The following FBXO21 variants were observed in gnomAD, a reference collection of about 807,000 sequenced individuals.
FBXO21 encodes F-box protein 21, also known as F-box only protein 21.
In FBXO21, 32 loss-of-function variants were observed where a neutral mutation model predicts 76.6. The ratio of observed to expected loss-of-function variants is 0.42; its 90% CI spans 0.32 to 0.56. FBXO21 has a LOEUF of 0.56. FBXO21 is among the 20% of genes least tolerant of loss of function. FBXO21 has a pLI of 0.16. For missense variants in FBXO21, 586 were observed against 797.3 expected, an observed-to-expected ratio of 0.73 and a Z score of 3.19; for synonymous variants, 328 against 311.5, an observed-to-expected ratio of 1.05 and a Z score of -0.56.
Position 117,155,775 on chromosome 12 carries a change from G to A in FBXO21, c.1675+16C>T, listed in dbSNP as rs377322357. 6.0e-5 allele frequency: 97 copies of A among 1,607,328 alleles called. No individual in the cohort carries two copies. The highest frequency in any genetic ancestry group is 7.7e-5 in the Non-Finnish European group (91 of 1,176,562). On this transcript the variant is annotated intron_variant, in intron 11 of 11. Transcript: ENST00000622495. ...CGCCCGCGGGGCCACTGGCACAAGC[G>A]GAACCCGCCGCTTACCTTGGGCTGC...
At chr12:117,167,433 C>A (rs150009196) in intron 7 of FBXO21, among the ~76,000 whole-genome samples, 1 of 152,228 alleles carries the variant, frequency 6.6e-6, no homozygotes, top group East Asian at 1.9e-4. Context: ...GATCCTGGGC[C>A]CTGGATGATC....
chr12:117,162,824 T>C (rs1955998232), intron 9 of FBXO21, among the ~76,000 whole-genome samples: 1 of 152,192 alleles, frequency 6.6e-6, no homozygotes, highest in Non-Finnish European at 1.5e-5. Context: ...TAGGCTGACA[T>C]CTGCAGGCGC....
chr12:117,170,027 A>C (rs2135868727), intron 7 of FBXO21, among the ~76,000 whole-genome samples: 1 of 152,168 alleles, frequency 6.6e-6, no homozygotes, highest in Non-Finnish European at 1.5e-5. Flanking sequence ...AATTATTAGC[A>C]CTAACGATTT....
In FBXO21 at chr12:117,143,108, C is replaced by A. The variant is rs1244366155; in HGVS notation, c.*2979G>T. The A allele has an allele frequency of 6.6e-6, 1 of 152,192 alleles. No individual in the cohort carries two copies. The highest frequency in any genetic ancestry group is 2.4e-5 in the African/African-American group (1 of 41,438). The allele number at this position is 152,192 out of a possible 1,614,324, so 9.4% of individuals were successfully genotyped here. The stretch of plus-strand genomic sequence containing the variant: ...TTTGCAAACATGACGCCTGGCAAAA[C>A]CGGTCTGATTCTAAGGTAAACTCAT... On this transcript the variant is annotated 3_prime_UTR_variant, in exon 12 of 12. Coordinates refer to ENST00000622495, the MANE Select transcript of FBXO21 (RefSeq NM_015002.3).
At chr12:117,162,896 T>C (rs760294402) in intron 9 of FBXO21, among the ~76,000 whole-genome samples, 16 of 152,202 alleles carry the variant, frequency 1.1e-4, no homozygotes, top group Non-Finnish European at 1.8e-4. Flanking sequence ...CACGTACTTT[T>C]CTGCCCTCTG....
chr12:117,173,879 C>T (rs1398148211), intron 6 of FBXO21, among the ~76,000 whole-genome samples: 3 of 152,148 alleles, frequency 2.0e-5, no homozygotes, highest in Non-Finnish European at 2.9e-5. Context: ...CACAGTGGCT[C>T]ACACCTATAA....
chr12:117,182,576 T>TTA (rs1198375577), intron 3 of FBXO21, among the ~76,000 whole-genome samples: 1 of 142,422 alleles, frequency 7.0e-6, no homozygotes, highest in African/African-American at 2.6e-5. Flanking sequence ...TTTTTTTTTT[T>TTA]TTTTTTTTTT....
chr12:117,164,687 T>C (rs1212617207), intron 9 of FBXO21, among the ~76,000 whole-genome samples: 1 of 152,208 alleles, frequency 6.6e-6, no homozygotes, highest in Non-Finnish European at 1.5e-5. Context: ...ATTTAAGCAA[T>C]GTAGAGTCAC....
At position 117,157,974 on chromosome 12, in the gene FBXO21, A is replaced by T; in HGVS notation, c.1416T>A (p.Ile472=). Residue 472 remains isoleucine, a synonymous_variant, in exon 10 of 12, where the codon ATT becomes ATA. Coordinates refer to ENST00000622495, the MANE Select transcript of FBXO21 (RefSeq NM_015002.3). ...CGCCCACCTCCTCCTTTTTGCGCTC[A>T]ATGTGCTCTAGAGTGTGCTGCACCA... ...GYLVQHTLEH[I]ERKKEEVGVE... 1 of 1,614,140 alleles carries T rather than the reference A, an allele frequency of 6.2e-7. No homozygotes were observed. The highest frequency in any genetic ancestry group is 8.5e-7 in the Non-Finnish European group (1 of 1,180,028).
At chr12:117,165,372 T>A (rs552767943) in intron 9 of FBXO21, 113 bp downstream of exon 9, 13 of 1,103,764 alleles carry the variant, frequency 1.2e-5, no homozygotes, top group Non-Finnish European at 1.7e-5. Context: ...GGAGACTGAA[T>A]AAATTTGTGT....
At chr12:117,155,973 A>C in intron 10 of FBXO21, 25 bp from the exon 11 acceptor site, 1 of 1,610,922 alleles carries the variant, frequency 6.2e-7, no homozygotes, top group Non-Finnish European at 8.5e-7. Context: ...AGGAGCAGTC[A>C]GTCCCTGCAG....
rs575477666 is a variant in FBXO21, at chr12:117,180,379, T to C, written c.471-2738A>G. Among the ~76,000 whole-genome samples the C allele has an allele frequency of 4.6e-5, 7 of 152,366 alleles. No individual in the cohort carries two copies. The South Asian group carries it at 1.4e-3, about 32-fold the overall frequency. On this transcript the variant is annotated intron_variant, in intron 3 of 11. Coordinates refer to ENST00000622495, the MANE Select transcript of FBXO21 (RefSeq NM_015002.3). ...ATGTACATATGCACATGCACTTACA[T>C]ATACCTACATGTATTTAAATATAAA...
intron 2 of FBXO21, 21 bp downstream of exon 2, chr12:117,189,206 G>C (rs1412230309): frequency 2.5e-6 from 4 of 1,614,124 alleles, no homozygotes; most frequent in Non-Finnish European, 1.7e-6. Flanking sequence ...AAAGCTTAGA[G>C]CCACATCAAC....
At chr12:117,179,453 CT>C (rs143399826) in intron 3 of FBXO21, among the ~76,000 whole-genome samples, 15 of 149,852 alleles carry the variant, frequency 1.0e-4, no homozygotes, top group South Asian at 4.2e-4. Context: ...CCTCCTCCAT[CT>C]TTTTTTTTTC....
chr12:117,181,523 T>TTATC (rs535290502), intron 3 of FBXO21, among the ~76,000 whole-genome samples: 320 of 152,302 alleles, frequency 2.1e-3, no homozygotes, highest in Non-Finnish European at 3.5e-3. Context: ...ATGTATGAAT[T>TTATC]TATCTATCTA....
At chr12:117,165,188 G>A (rs189918136) in intron 9 of FBXO21, among the ~76,000 whole-genome samples, 273 of 152,304 alleles carry the variant, frequency 1.8e-3, no homozygotes, top group Non-Finnish European at 2.9e-3. Context: ...CTGAGTGAGG[G>A]TGACTTGGGG....
At chr12:117,173,478 C>A (rs988490024) in intron 6 of FBXO21, among the ~76,000 whole-genome samples, 1 of 151,974 alleles carries the variant, frequency 6.6e-6, no homozygotes, top group East Asian at 1.9e-4. Flanking sequence ...GCAGACAGGG[C>A]AACAAACTAA....
In FBXO21 at chr12:117,177,349, T is replaced by C. The variant is rs1311154770; in HGVS notation, c.592+171A>G. On this transcript the variant is annotated intron_variant, in intron 4 of 11. Transcript: ENST00000622495. ...AAATCTTAGCTCTAAATTTAATAGT[T>C]TGAACTACCTCATTGATCAGGCCCT... Among the ~76,000 whole-genome samples the C allele has an allele frequency of 2.6e-5, 4 of 152,258 alleles. No individual in the cohort carries two copies. In the East Asian group the frequency reaches 7.7e-4, roughly 29 times the overall value.
At chr12:117,163,612 TA>T (rs1956011371) in intron 9 of FBXO21, among the ~76,000 whole-genome samples, 2 of 151,708 alleles carry the variant, frequency 1.3e-5, no homozygotes, top group Non-Finnish European at 2.9e-5. Flanking sequence ...TTAACAAGTC[TA>T]AAGTAAAAAG....
Sources: gnomAD v4.1 joint callset for allele counts (sites outside exome capture counted in the v4.1 genomes callset) on GRCh38, gnomAD v4.1.1 for gene constraint, MANE v1.5 for transcripts, NCBI Gene and HGNC (gene_info 2026-07-23, HGNC 2026-07-21) for gene names.